Variants in TRPM7 observed in about 807,000 individuals in gnomAD.
TRPM7 encodes LTRPC ion channel family member 7.
TRPM7 carries 134 observed loss-of-function variants against 229.7 expected under a neutral mutation model. The observed-to-expected ratio is 0.58, with a 90% CI of 0.51 to 0.67. The LOEUF (loss-of-function observed/expected upper bound fraction) is 0.67. TRPM7 is among the 30% of genes least tolerant of loss of function. The probability of loss-of-function intolerance (pLI) is 0.00; values close to 1 mark genes in which losing one functional copy is unlikely to be tolerated. For missense variants in TRPM7, 1,901 were observed against 2,210.0 expected (o/e 0.86, Z 2.80); for synonymous variants, 699 against 715.2 (o/e 0.98, Z 0.36).
At chr15:50,645,259 C>A (rs999759261) in intron 4 of TRPM7, among the ~76,000 whole-genome samples, 1 of 152,174 alleles carries the variant, frequency 6.6e-6, no homozygotes, top group Admixed American at 6.5e-5. Context: ...CCAGGCTGGT[C>A]TTGAACTCCC....
At chr15:50,649,863 C>G (rs2061368343) in intron 3 of TRPM7, among the ~76,000 whole-genome samples, 1 of 152,010 alleles carries the variant, frequency 6.6e-6, no homozygotes, top group Non-Finnish European at 1.5e-5. Flanking sequence ...CGAGAAAGTT[C>G]CAAGTATCTG....
chr15:50,624,240 T>C lies in TRPM7; in HGVS notation c.1366A>G (p.Lys456Glu), dbSNP rs1405878636. 3 of 1,613,036 alleles carry C rather than the reference T, an allele frequency of 1.9e-6. No homozygotes were observed. The highest frequency in any genetic ancestry group is 1.1e-5 in the South Asian group (1 of 90,836). The change falls in exon 12 of 39, where the codon AAA becomes GAA. Residue 456 changes from lysine (K) to glutamate (E), a missense_variant. Lys to Glu is a moderately conservative substitution (Grantham distance 56, BLOSUM62 1). Coordinates refer to ENST00000646667, the MANE Select transcript of TRPM7 (RefSeq NM_017672.6). ...CTTACTCCATTTTCAATAAGAAGTT[T>C]TACAAATGCAACTCTATCCATTACA... Reference protein sequence around the residue: ...ALVMDRVAFVKLLIENGVSMH... With the variant: ...ALVMDRVAFVELLIENGVSMH...
At chr15:50,600,362 A>G (rs2059745689) in intron 21 of TRPM7, among the ~76,000 whole-genome samples, 1 of 151,724 alleles carries the variant, frequency 6.6e-6, no homozygotes, top group South Asian at 2.1e-4. Flanking sequence ...ACTTGAACCC[A>G]GGAGGCGGAG....
chr15:50,565,715 G>A lies in TRPM7; in HGVS notation c.5468-3907C>T, dbSNP rs114410930. Among the ~76,000 whole-genome samples, 867 of 152,052 alleles carry A rather than the reference G, an allele frequency of 5.7e-3. 9 individuals carry two copies. Among genetic ancestry groups the A allele is most frequent in the African/African-American group, 0.02 (835 of 41,478 alleles). ...AAACCAGCAAGGATACAAGAACTCC[G>A]AACACTAGCAACAAACTTTAATTAA... On this transcript the variant is annotated intron_variant, in intron 38 of 38. Coordinates refer to ENST00000646667, the MANE Select transcript of TRPM7 (RefSeq NM_017672.6).
intron 38 of TRPM7, among the ~76,000 whole-genome samples, chr15:50,565,747 C>A (rs1309674888): frequency 3.3e-5 from 5 of 152,084 alleles, no homozygotes; most frequent in Non-Finnish European, 7.4e-5. Context: ...TTAATATTTA[C>A]AGAATACTCC....
chr15:50,579,634 T>C (rs1464436178), intron 30 of TRPM7, among the ~76,000 whole-genome samples: 1 of 152,134 alleles, frequency 6.6e-6, no homozygotes, highest in Non-Finnish European at 1.5e-5. Flanking sequence ...TTACATCCCA[T>C]GGCTTTGGTT....
intron 27 of TRPM7, among the ~76,000 whole-genome samples, chr15:50,586,876 T>C (rs2059356832): frequency 6.6e-6 from 1 of 151,838 alleles, no homozygotes; most frequent in Non-Finnish European, 1.5e-5. Context: ...ATCAGCTGGT[T>C]GTGGTGGCGC....
intron 5 of TRPM7, among the ~76,000 whole-genome samples, chr15:50,642,487 T>C (rs1002417247): frequency 2.0e-5 from 3 of 152,184 alleles, no homozygotes; most frequent in Non-Finnish European, 2.9e-5. Flanking sequence ...AACTGAATCA[T>C]GGGGGCGGTT....
chr15:50,671,645 C>CAAA (rs34028076), intron 1 of TRPM7, among the ~76,000 whole-genome samples: 37 of 151,566 alleles, frequency 2.4e-4, no homozygotes, highest in African/African-American at 7.0e-4. Flanking sequence ...CCTGTCGCTA[C>CAAA]AAAAGTTTTT....
chr15:50,639,898 T>C (rs931229214), intron 5 of TRPM7, among the ~76,000 whole-genome samples: 2 of 146,562 alleles, frequency 1.4e-5, no homozygotes, highest in Admixed American at 7.3e-5. Context: ...ACCTTCAAGA[T>C]ATAAGGCAAC....
rs117660061 is a variant in TRPM7 at position 50,594,249 on chromosome 15, A to G, written c.3475+180T>C. ...TTCTCATAACGAAGTTTAATGCTAA[A>G]TCCATTTTTATAGATATCATATTGC... On this transcript the variant is annotated intron_variant, in intron 24 of 38. Coordinates refer to ENST00000646667, the MANE Select transcript of TRPM7 (RefSeq NM_017672.6). Among the ~76,000 whole-genome samples the G allele has an allele frequency of 5.9e-3, 893 of 152,336 alleles. 6 individuals are homozygous for G. Among genetic ancestry groups the G allele is most frequent in the Admixed American group, 0.013 (192 of 15,294 alleles).
At chr15:50,572,024 A>G (rs2053915718) in intron 36 of TRPM7, among the ~76,000 whole-genome samples, 1 of 152,230 alleles carries the variant, frequency 6.6e-6, no homozygotes, top group African/African-American at 2.4e-5. Flanking sequence ...GTGGCCAGAG[A>G]GTGGCTCATG....
In TRPM7 at chr15:50,574,737, G is replaced by A. The variant is rs1283760978; in HGVS notation, c.5020-18C>T. Reference sequence around the variant, plus strand: ...TGAATTTCCTATAAAAGGGAGGGTGGGGAGAACCCTTGTTTAATATTTAAA... The same window carrying A: ...TGAATTTCCTATAAAAGGGAGGGTGAGGAGAACCCTTGTTTAATATTTAAA... On this transcript the variant is annotated intron_variant, in intron 34 of 38. Coordinates refer to ENST00000646667, the MANE Select transcript of TRPM7 (RefSeq NM_017672.6). The A allele has an allele frequency of 3.1e-6, 5 of 1,603,716 alleles. No homozygotes were observed. Among genetic ancestry groups the A allele is most frequent in the Admixed American group, 1.7e-5 (1 of 58,176 alleles).
chr15:50,672,008 T>C (rs1198035086), intron 1 of TRPM7, among the ~76,000 whole-genome samples: 3 of 152,234 alleles, frequency 2.0e-5, no homozygotes, highest in Non-Finnish European at 4.4e-5. Context: ...TTTACTAGAC[T>C]ACGCTTTTTA....
At chr15:50,659,090 C>T (rs1370380694) in intron 2 of TRPM7, among the ~76,000 whole-genome samples, 19 of 151,038 alleles carry the variant, frequency 1.3e-4, no homozygotes, top group Admixed American at 9.3e-4. Context: ...TCCAGCTACT[C>T]GGGAGGCTGA....
At chr15:50,686,420 G>A (rs1272854229) in intron 1 of TRPM7, 111 bp downstream of exon 1, 3 of 1,569,656 alleles carry the variant, frequency 1.9e-6, no homozygotes, top group African/African-American at 2.7e-5. Flanking sequence ...GCAATTCGAG[G>A]GTCCTTCGCC....
In TRPM7 at chr15:50,639,587, T is replaced by C. The variant is rs200000067; in HGVS notation, c.536-39A>G. ...AAGTTTATTCATTTTGTTTTTTTTA[T>C]TTTCTTAAAGACAGGGTCACCCAGG... On this transcript the variant is annotated intron_variant, in intron 5 of 38. Coordinates refer to ENST00000646667, the MANE Select transcript of TRPM7 (RefSeq NM_017672.6). 7.7e-5 allele frequency: 123 copies of C among 1,588,476 alleles called. No homozygotes were observed. The African/African-American group carries it at 1.6e-3, about 20-fold the overall frequency.
At chr15:50,577,271 C>T (rs958325122) in intron 31 of TRPM7, among the ~76,000 whole-genome samples, 2 of 151,972 alleles carry the variant, frequency 1.3e-5, no homozygotes, top group Non-Finnish European at 2.9e-5. Context: ...AAAATCAGGC[C>T]AGGTGCGGTG....
At chr15:50,657,647 T>A (rs761194703) in intron 3 of TRPM7, 134 bp downstream of exon 3, 11 of 743,556 alleles carry the variant, frequency 1.5e-5, no homozygotes, top group Non-Finnish European at 2.4e-5. Flanking sequence ...CCCTTCACCT[T>A]CCAAGTCTAG....
Sources: allele counts gnomAD v4.1 joint callset (sites outside exome capture counted in the v4.1 genomes callset), GRCh38; gene constraint gnomAD v4.1.1; transcripts MANE v1.5; gene names NCBI Gene and HGNC (gene_info 2026-07-23, HGNC 2026-07-21).